NEK1: variants seen among roughly 807,000 people sequenced by gnomAD.
NEK1 encodes the protein NIMA related kinase 1, also known as serine/threonine-protein kinase Nek1.
Under a neutral mutation model 182.1 loss-of-function variants are expected in NEK1, and 137 were observed. The ratio of observed to expected loss-of-function variants is 0.75; its 90% CI spans 0.65 to 0.87. NEK1 has a LOEUF of 0.87. Among genes scored for constraint, NEK1 ranks in the 40% least tolerant of loss-of-function variants. The pLI is 0.00. For missense variants in NEK1, 1,391 were observed against 1,494.4 expected, an observed-to-expected ratio of 0.93 and a Z score of 1.14; for synonymous variants, 513 against 492.2, an observed-to-expected ratio of 1.04 and a Z score of -0.56.
chr4:169,448,750 T>C (rs28890249), intron 27 of NEK1, among the ~76,000 whole-genome samples: 35,910 of 152,074 alleles, frequency 0.24, 6,977 homozygotes, highest in African/African-American at 0.54. Context: ...ATGGAGAAGA[T>C]GGGTGATTTC....
intron 26 of NEK1, among the ~76,000 whole-genome samples, chr4:169,465,418 G>A (rs1744740678): frequency 6.6e-6 from 1 of 152,068 alleles, no homozygotes; most frequent in South Asian, 2.1e-4. Flanking sequence ...TGGGAGTCTA[G>A]GGAGGCCAAA....
At chr4:169,508,072 T>C (rs1023573573) in intron 21 of NEK1, among the ~76,000 whole-genome samples, 176 bp downstream of exon 21, 2 of 152,232 alleles carry the variant, frequency 1.3e-5, no homozygotes, top group Non-Finnish European at 2.9e-5. Context: ...AATGGTCTTA[T>C]CAATTTAAAA....
At chr4:169,418,557 GAA>G (rs1466320679) in intron 31 of NEK1, among the ~76,000 whole-genome samples, 1 of 152,072 alleles carries the variant, frequency 6.6e-6, no homozygotes, top group Non-Finnish European at 1.5e-5. Context: ...GGAGAGAAAT[GAA>G]AGACACAAAA....
intron 32 of NEK1, among the ~76,000 whole-genome samples, chr4:169,402,614 A>C (rs528043112): frequency 6.6e-6 from 1 of 152,312 alleles, no homozygotes; most frequent in East Asian, 1.9e-4. Flanking sequence ...TATACAAATA[A>C]TACCTTACAT....
intron 19 of NEK1, among the ~76,000 whole-genome samples, chr4:169,531,461 A>G (rs961880253): frequency 6.7e-6 from 1 of 149,986 alleles, no homozygotes; most frequent in African/African-American, 2.4e-5. Flanking sequence ...TATATACTAC[A>G]TACATATATG....
At chr4:169,608,619 AT>A (rs1223137203) in intron 2 of NEK1, among the ~76,000 whole-genome samples, 1 of 152,218 alleles carries the variant, frequency 6.6e-6, no homozygotes, top group Non-Finnish European at 1.5e-5. Flanking sequence ...TTTCTAACAA[AT>A]AAAAAACTCG....
At chr4:169,440,309 A>T (rs1224455300) in intron 27 of NEK1, among the ~76,000 whole-genome samples, 1 of 152,208 alleles carries the variant, frequency 6.6e-6, no homozygotes, top group Non-Finnish European at 1.5e-5. Flanking sequence ...AAATAAAACC[A>T]ATGAAATATA....
intron 35 of NEK1, among the ~76,000 whole-genome samples, chr4:169,396,893 T>C (rs1258122634): frequency 1.3e-5 from 2 of 152,074 alleles, no homozygotes; most frequent in African/African-American, 4.8e-5. Context: ...GGCTTTACCA[T>C]CTCCTAGATG....
intron 19 of NEK1, among the ~76,000 whole-genome samples, chr4:169,528,813 A>C (rs987094204): frequency 3.3e-5 from 5 of 152,192 alleles, no homozygotes; most frequent in Non-Finnish European, 7.3e-5. Context: ...ATAGCAGAAA[A>C]CCATTCCATT....
At chr4:169,590,579 A>G in intron 6 of NEK1, 147 bp downstream of exon 6, 1 of 547,502 alleles carries the variant, frequency 1.8e-6, no homozygotes, top group Middle Eastern at 3.0e-4. Context: ...GAGATCTAAT[A>G]CAGGATGCAG....
At chr4:169,445,863 T>TATATATATATATATATATATATATATAC (rs1554034324) in intron 27 of NEK1, among the ~76,000 whole-genome samples, 2 of 130,836 alleles carry the variant, frequency 1.5e-5, no homozygotes, top group Admixed American at 7.4e-5. Flanking sequence ...TATATATATA[T>TATATATATATATATATATATATATATAC]ATACACACAC....
At chr4:169,485,525 T>C (rs1335651876) in intron 23 of NEK1, among the ~76,000 whole-genome samples, 1 of 152,184 alleles carries the variant, frequency 6.6e-6, no homozygotes, top group South Asian at 2.1e-4. Flanking sequence ...CTTCTAATTA[T>C]TGAAAGATAA....
rs1767386066 is a variant in NEK1 at position 169,585,479 on chromosome 4, T to C, written c.677A>G (p.His226Arg). ...CAAACTGCGGAGATCATAGGAATAA[T>C]GCAAAGACACAGGTGGAAAAGATCC... ...ISGSFPPVSLHYSYDLRSLVS... is the reference protein window; with the variant it reads ...ISGSFPPVSLRYSYDLRSLVS... Residue 226 changes from histidine (H) to arginine (R), a missense_variant, in exon 10 of 36, where the codon CAT (histidine) becomes CGT (arginine). His to Arg is a conservative substitution (Grantham distance 29). Around this residue, in one of 5 missense-constraint regions of NEK1, gnomAD observed 1,216 missense variants for 1,277.6 expected, o/e 0.95. Transcript: ENST00000507142. 1.9e-6 allele frequency: 3 copies of C among 1,613,582 alleles called. No individual in the cohort carries two copies. The highest frequency in any genetic ancestry group is 1.7e-6 in the Non-Finnish European group (2 of 1,179,714).
intron 18 of NEK1, among the ~76,000 whole-genome samples, chr4:169,542,366 T>C (rs1005569375): frequency 3.9e-5 from 6 of 152,226 alleles, no homozygotes; most frequent in Admixed American, 2.6e-4. Flanking sequence ...TATTCCATGG[T>C]GTATATGTGC....
At chr4:169,439,009 A>G (rs187436145) in intron 27 of NEK1, among the ~76,000 whole-genome samples, 61 of 152,236 alleles carry the variant, frequency 4.0e-4, no homozygotes, top group Non-Finnish European at 7.4e-5. Context: ...CTACAACTCC[A>G]ACTCTAAAAA....
At chr4:169,518,364 T>C (rs1359606450) in intron 19 of NEK1, among the ~76,000 whole-genome samples, 29 of 129,024 alleles carry the variant, frequency 2.2e-4, no homozygotes, top group Admixed American at 1.6e-3. Context: ...CCCTTTATCA[T>C]TTTTTATTGT....
chr4:169,399,825 A>G (rs1731352564), intron 35 of NEK1, among the ~76,000 whole-genome samples: 1 of 151,722 alleles, frequency 6.6e-6, no homozygotes, highest in Admixed American at 6.6e-5. Flanking sequence ...GGGTTTCACT[A>G]TGTTGTCCAG....
At chr4:169,508,396 A>C in intron 20 of NEK1, 65 bp from the exon 21 acceptor site, 1 of 1,323,474 alleles carries the variant, frequency 7.6e-7, no homozygotes, top group Non-Finnish European at 1.0e-6. Flanking sequence ...TTTTACTGCT[A>C]GATTTTTTTT....
intron 23 of NEK1, among the ~76,000 whole-genome samples, chr4:169,501,442 T>C (rs533710923): frequency 6.6e-6 from 1 of 152,316 alleles, no homozygotes; most frequent in South Asian, 2.1e-4. Context: ...AACCACAGAA[T>C]ATACATTCTT....
Sources: gnomAD v4.1 joint callset for allele counts (sites outside exome capture counted in the v4.1 genomes callset) on GRCh38, gnomAD v4.1.1 for gene constraint, gnomAD v4.1.1 regional missense constraint, MANE v1.5 for transcripts, NCBI Gene and HGNC (gene_info 2026-07-23, HGNC 2026-07-21) for gene names.